The following CDH6 variants were observed in gnomAD, a reference collection of about 807,000 sequenced individuals.
CDH6 encodes cadherin-6.
CDH6 carries 31 observed loss-of-function variants against 78.0 expected under a neutral mutation model. That is an observed-to-expected ratio of 0.40 (90% CI 0.30 to 0.54). The LOEUF is 0.54. Ranked by LOEUF, CDH6 falls within the 20% of genes least tolerant of loss-of-function variation. CDH6 has a pLI of 0.56. For missense variants in CDH6, 724 were observed against 975.9 expected, an observed-to-expected ratio of 0.74 and a Z score of 3.44; for synonymous variants, 376 against 368.8, an observed-to-expected ratio of 1.02 and a Z score of -0.23.
chr5:31,312,410 C>A (rs79425438), intron 7 of CDH6, among the ~76,000 whole-genome samples: 3 of 152,270 alleles, frequency 2.0e-5, no homozygotes, highest in South Asian at 2.1e-4. Flanking sequence ...TGCTTAAAAC[C>A]TTTTGTAGCC....
chr5:31,266,379 G>A (rs1742355494), intron 1 of CDH6, among the ~76,000 whole-genome samples: 2 of 152,214 alleles, frequency 1.3e-5, no homozygotes, highest in Admixed American at 6.5e-5. Context: ...CTGGTACTTA[G>A]ATATGTTTGA....
At chr5:31,278,437 T>C in intron 2 of CDH6, among the ~76,000 whole-genome samples, 1 of 152,196 alleles carries the variant, frequency 6.6e-6, no homozygotes, top group Admixed American at 6.5e-5. Context: ...TATTGTATCA[T>C]GAAAGCTGGT....
At chr5:31,218,444 A>G (rs1740923863) in intron 1 of CDH6, among the ~76,000 whole-genome samples, 1 of 152,180 alleles carries the variant, frequency 6.6e-6, no homozygotes, top group South Asian at 2.1e-4. Flanking sequence ...AATTGTAGAT[A>G]TGAGAAAGCA....
chr5:31,263,831 A>C (rs1742275008), intron 1 of CDH6, among the ~76,000 whole-genome samples: 1 of 152,234 alleles, frequency 6.6e-6, no homozygotes, highest in Admixed American at 6.5e-5. Flanking sequence ...TTCTGATATA[A>C]CATTAGAATA....
Position 31,326,680 on chromosome 5 carries a change from A to ATTTT in CDH6, c.*3372_*3373insTTTT, listed in dbSNP as rs750696655. 352 of 130,332 alleles carry ATTTT rather than the reference A, an allele frequency of 2.7e-3. 36 individuals carry two copies. The highest frequency in any genetic ancestry group is 8.3e-3 in the African/African-American group (285 of 34,338). 8.1% of individuals were successfully genotyped at this position (130,332 alleles called of 1,614,324 possible). On this transcript the variant is annotated 3_prime_UTR_variant, in exon 12 of 12. Transcript: ENST00000265071. ...CAAAGAGTTGTGCAGAAAATCTTAA[A>ATTTT]ATTTTTTTTTTTTTTTTTTTTTTTT... is the stretch of plus-strand genomic sequence containing the variant.
chr5:31,318,968 C>A, intron 11 of CDH6: 1 of 217,036 alleles, frequency 4.6e-6, no homozygotes, highest in East Asian at 6.8e-5. Flanking sequence ...CTGCGATTCT[C>A]TTTGTCAACT....
chr5:31,321,011 C>G (rs1738464633), intron 11 of CDH6, among the ~76,000 whole-genome samples: 2 of 150,700 alleles, frequency 1.3e-5, no homozygotes, highest in African/African-American at 2.4e-5. Context: ...GCTGTATGTT[C>G]ATATGGGCTC....
At position 31,203,978 on chromosome 5, in the gene CDH6, T is replaced by G. The variant is rs113995418; in HGVS notation, c.-129+10092T>G. On this transcript the variant is annotated intron_variant, in intron 1 of 11. Transcript: ENST00000265071. ...AGACAACAGAATGAAGTGGAGTCAC[T>G]TACGAGTTAATGTACCCAAGAGGAG... 8.4e-3 allele frequency among the ~76,000 whole-genome samples: 1,278 copies of G among 152,286 alleles called. 10 individuals carry two copies. Among genetic ancestry groups the G allele is most frequent in the Middle Eastern group, 0.014 (4 of 294 alleles).
At chr5:31,315,057 G>A (rs539406534) in intron 8 of CDH6, among the ~76,000 whole-genome samples, 4 of 152,028 alleles carry the variant, frequency 2.6e-5, no homozygotes, top group South Asian at 2.1e-4. Flanking sequence ...CTGATTCCTC[G>A]ACCTGAAGAG....
chr5:31,208,681 C>A (rs948882782), intron 1 of CDH6, among the ~76,000 whole-genome samples: 10 of 152,080 alleles, frequency 6.6e-5, no homozygotes, highest in African/African-American at 1.9e-4. Context: ...AGTTTGTTAT[C>A]AACCCATAGT....
Position 31,293,958 on chromosome 5 carries a change from C to G in CDH6, c.229-4C>G. ...CTTTCTTTAATTTTTTTTTTCTACA[C>G]TAGTTACATTCAGACCAGGATAGAG... On this transcript the variant is annotated splice_region_variant and splice_polypyrimidine_tract_variant and intron_variant, in intron 2 of 11. Coordinates refer to ENST00000265071, the MANE Select transcript of CDH6 (RefSeq NM_004932.4). The G allele has an allele frequency of 6.5e-7, 1 of 1,537,364 alleles. No individual in the cohort carries two copies.
At chr5:31,317,954 C>G in intron 11 of CDH6, 30 bp downstream of exon 11, 12 of 1,607,144 alleles carry the variant, frequency 7.5e-6, no homozygotes, top group Non-Finnish European at 1.0e-5. Context: ...CTCCTATCTC[C>G]CCATGGTGAG....
chr5:31,299,864 T>G (rs1737712819), intron 5 of CDH6, among the ~76,000 whole-genome samples: 2 of 152,206 alleles, frequency 1.3e-5, no homozygotes, highest in African/African-American at 4.8e-5. Flanking sequence ...AAAGGCAACA[T>G]CATTGTTTCA....
chr5:31,217,436 G>A (rs572014547), intron 1 of CDH6, among the ~76,000 whole-genome samples: 38 of 152,082 alleles, frequency 2.5e-4, no homozygotes, highest in Non-Finnish European at 4.6e-4. Context: ...CTTACCAGAT[G>A]GGTTTAGTGG....
intron 11 of CDH6, among the ~76,000 whole-genome samples, chr5:31,319,487 C>T (rs1738420672): frequency 6.6e-6 from 1 of 152,228 alleles, no homozygotes; most frequent in Non-Finnish European, 1.5e-5. Flanking sequence ...ATTATCTGTA[C>T]CTTAAATATG....
chr5:31,251,231 T>C lies in CDH6; in HGVS notation c.-128-16115T>C, dbSNP rs546868726. On this transcript the variant is annotated intron_variant, in intron 1 of 11. Transcript: ENST00000265071. The stretch of plus-strand genomic sequence containing the variant: ...GCGCTTGACTTCTCCTCTCACTTAA[T>C]GGCCTATATGATTGTTGCAAAGCTC... The C allele has an allele frequency of 2.6e-5, 4 of 152,370 alleles. No individual in the cohort carries two copies. The South Asian group carries it at 6.2e-4, about 24-fold the overall frequency. 9.4% of individuals were successfully genotyped at this position (152,370 alleles called of 1,614,324 possible). A position where few individuals can be genotyped will look rare whatever the true frequency, so the allele number is the denominator to read the frequency against.
intron 2 of CDH6, among the ~76,000 whole-genome samples, chr5:31,291,079 A>C (rs577536072): frequency 6.6e-6 from 1 of 152,158 alleles, no homozygotes; most frequent in African/African-American, 2.4e-5. Flanking sequence ...TTCACCTATT[A>C]AGTGTGCAAC....
chr5:31,250,540 A>T (rs1252812431), intron 1 of CDH6: 1 of 152,750 alleles, frequency 6.5e-6, no homozygotes, highest in Admixed American at 6.5e-5. Context: ...CAGCCCCCAC[A>T]CCAAGGAAGA....
At chr5:31,199,409 A>G (rs1740260107) in intron 1 of CDH6, among the ~76,000 whole-genome samples, 2 of 146,570 alleles carry the variant, frequency 1.4e-5, no homozygotes, top group South Asian at 4.3e-4. Flanking sequence ...TGTACTTTAC[A>G]TGGTGTATAT....
Sources: allele counts gnomAD v4.1 joint callset (sites outside exome capture counted in the v4.1 genomes callset), GRCh38; gene constraint gnomAD v4.1.1; transcripts MANE v1.5; gene names NCBI Gene and HGNC (gene_info 2026-07-23, HGNC 2026-07-21).